Variants in IFT46 observed in about 807,000 individuals in gnomAD.
IFT46 encodes the protein intraflagellar transport protein 46 homolog.
In IFT46, 19 loss-of-function variants were observed where a neutral mutation model predicts 39.6. The observed-to-expected ratio is 0.48, with a 90% CI of 0.33 to 0.70. The LOEUF is 0.70. IFT46 is among the 30% of genes least tolerant of loss of function. The pLI is 0.01. For missense variants in IFT46, 334 were observed against 364.8 expected (o/e 0.92, Z 0.69); for synonymous variants, 117 against 134.8 (o/e 0.87, Z 0.91).
chr11:118,570,148 A>G (rs11216904), upstream of IFT46, among the ~76,000 whole-genome samples: 24,900 of 146,534 alleles, frequency 0.17, 2,617 homozygotes, highest in East Asian at 0.54. Context: ...TCCGCCTCCT[A>G]GCTTCAAGGA....
chr11:118,551,670 CAAAAAAAAAA>C, intron 9 of IFT46, 106 bp downstream of exon 9: 1 of 457,900 alleles, frequency 2.2e-6, no homozygotes, highest in Non-Finnish European at 3.6e-6. Flanking sequence ...GACCCTGTCT[CAAAAAAAAAA>C]AAAAAAAAAA....
chr11:118,554,399 C>T, intron 7 of IFT46, 60 bp downstream of exon 7: 1 of 1,499,704 alleles, frequency 6.7e-7, no homozygotes. Context: ...TGAGTGCCAG[C>T]AAGGCCTCCT....
upstream of IFT46, among the ~76,000 whole-genome samples, chr11:118,566,675 A>G (rs1185262862): frequency 6.6e-6 from 1 of 152,222 alleles, no homozygotes; most frequent in African/African-American, 2.4e-5. Context: ...CCTGGGCAAC[A>G]AAGCGAGACT....
At chr11:118,576,444 A>C (rs868969080), upstream of IFT46, among the ~76,000 whole-genome samples, 991 of 148,344 alleles carry the variant, frequency 6.7e-3, 9 homozygotes, top group African/African-American at 0.023. Context: ...AAAAAAAAAA[A>C]AAAAACCAAA....
Position 118,544,996 on chromosome 11 carries a change from C to T in IFT46, c.835G>A (p.Ala279Thr), listed in dbSNP as rs1052240465. The change falls in exon 12 of 12, where the codon GCT becomes ACT. Residue 279 changes from alanine to threonine, a missense_variant. By Grantham distance (58) the Ala-to-Thr change is moderately conservative. Coordinates refer to ENST00000264021, the MANE Select transcript of IFT46 (RefSeq NM_001168618.2). Reference protein sequence around the residue: ...FKNSQHFKALAEGKKAFTPSS... With the variant: ...FKNSQHFKALTEGKKAFTPSS... ...GGAGTGAATGCTTTCTTGCCTTCAG[C>T]GAGAGCTTTAAAATGCTGCAAGGAA... is the stretch of plus-strand genomic sequence containing the variant. The T allele has an allele frequency of 8.7e-6, 14 of 1,611,928 alleles. No homozygotes were observed. The East Asian group carries it at 1.8e-4, about 21-fold the overall frequency.
chr11:118,547,012 CT>C (rs1288672310), intron 9 of IFT46: 1 of 152,188 alleles, frequency 6.6e-6, no homozygotes, highest in African/African-American at 2.4e-5. Context: ...CAACATATCA[CT>C]GATATTTCTT....
intron 6 of IFT46, 82 bp from the exon 7 acceptor site, chr11:118,554,669 T>G: frequency 3.6e-6 from 5 of 1,405,364 alleles, no homozygotes; most frequent in Non-Finnish European, 4.8e-6. Context: ...TTCATCATTA[T>G]TACTAGTATT....
Position 118,544,929 on chromosome 11 carries a change from A to C in IFT46, c.902T>G (p.Leu301Ter). ...TTGGGAAGTGTCTCAGCTGAAGGTT[A>C]ATGTCTCCATGTCTCCAGCTTGGGA... Reference protein sequence around the residue: ...STSQAGDMETLTFS With the variant: ...STSQAGDMET Residue 301 changes from leucine (L) to a stop codon, truncating the protein, a stop_gained, in exon 12 of 12, where the codon TTA (leucine) becomes TGA (stop). Transcript: ENST00000264021. LOFTEE classifies it high-confidence loss of function. 1 of 1,612,472 alleles carries C rather than the reference A, an allele frequency of 6.2e-7. No individual in the cohort carries two copies. Among genetic ancestry groups the C allele is most frequent in the Non-Finnish European group, 8.5e-7 (1 of 1,178,692 alleles).
chr11:118,561,619 G>A (rs782761216), intron 2 of IFT46: 20 of 496,288 alleles, frequency 4.0e-5, no homozygotes, highest in Admixed American at 1.6e-4. Context: ...AGATAAAGAC[G>A]ATAAACATAT....
chr11:118,569,582 A>G (rs976532962), upstream of IFT46, among the ~76,000 whole-genome samples: 1 of 152,230 alleles, frequency 6.6e-6, no homozygotes. Context: ...CAAGAAGTCT[A>G]TAATGCAGTG....
chr11:118,566,290 A>T (rs148906075), upstream of IFT46, among the ~76,000 whole-genome samples: 1 of 152,298 alleles, frequency 6.6e-6, no homozygotes, highest in African/African-American at 2.4e-5. Flanking sequence ...GCACTCTGTA[A>T]GTCCTTTTCT....
upstream of IFT46, among the ~76,000 whole-genome samples, chr11:118,575,968 G>A (rs1190279033): frequency 7.0e-6 from 1 of 142,448 alleles, no homozygotes; most frequent in Non-Finnish European, 1.5e-5. Context: ...TTCTGTCACT[G>A]TAGTTGTTTT....
upstream of IFT46, chr11:118,566,015 G>C (rs1938217565): frequency 6.6e-6 from 1 of 152,220 alleles, no homozygotes; most frequent in South Asian, 2.1e-4. Context: ...TCTCCACGCA[G>C]GAAGAAGATC....
chr11:118,576,213 G>T (rs554680142), upstream of IFT46, among the ~76,000 whole-genome samples: 1 of 151,818 alleles, frequency 6.6e-6, no homozygotes, highest in Non-Finnish European at 1.5e-5. Flanking sequence ...GTGTAGGAGA[G>T]AGTTGTTATT....
chr11:118,560,173 G>A, intron 2 of IFT46: 1 of 266,992 alleles, frequency 3.7e-6, no homozygotes, highest in Non-Finnish European at 7.0e-6. Flanking sequence ...AACACTTTGG[G>A]AAGGGGAGGC....
At chr11:118,547,243 AG>A (rs1255582456) in intron 9 of IFT46, 4 of 152,224 alleles carry the variant, frequency 2.6e-5, no homozygotes, top group Non-Finnish European at 4.4e-5. Flanking sequence ...ACATTTTAGT[AG>A]GGAAGAACAA....
In IFT46 at chr11:118,560,667, A is replaced by G. The variant is rs115395703; in HGVS notation, c.-35-803T>C. 3,394 of 530,876 alleles carry G rather than the reference A, an allele frequency of 6.4e-3. 105 individuals carry two copies. The highest frequency in any genetic ancestry group is 0.057 in the African/African-American group (2,994 of 52,616). 32.9% of individuals were successfully genotyped at this position (530,876 alleles called of 1,614,324 possible). A position where few individuals can be genotyped will look rare whatever the true frequency, so the allele number is the denominator to read the frequency against. ...GCCGGCAGGTCTCTGTCGAGCCGCA[A>G]ACGCGGGTCTCTGTTCCGCAGAATG... On this transcript the variant is annotated intron_variant, in intron 2 of 11. Transcript: ENST00000264021.
chr11:118,567,593 A>C (rs1273908484), upstream of IFT46, among the ~76,000 whole-genome samples: 1 of 152,220 alleles, frequency 6.6e-6, no homozygotes, highest in Non-Finnish European at 1.5e-5. Flanking sequence ...TAATAATAGC[A>C]ATACATTTTA....
At chr11:118,562,142 T>C (rs1938078657) in intron 2 of IFT46, among the ~76,000 whole-genome samples, 1 of 152,126 alleles carries the variant, frequency 6.6e-6, no homozygotes, top group African/African-American at 2.4e-5. Context: ...CCAGGTGTGG[T>C]GGCACACTCC....
Sources: allele counts gnomAD v4.1 joint callset (sites outside exome capture counted in the v4.1 genomes callset), GRCh38; gene constraint gnomAD v4.1.1; transcripts MANE v1.5; gene names NCBI Gene and HGNC (gene_info 2026-07-23, HGNC 2026-07-21).